The following FAM114A1 variants were observed in gnomAD, a reference collection of about 807,000 sequenced individuals.
The protein encoded by FAM114A1 is protein NOXP20.
FAM114A1 carries 62 observed loss-of-function variants against 64.3 expected under a neutral mutation model. The observed-to-expected ratio is 0.96, with a 90% CI of 0.79 to 1.19. The LOEUF (loss-of-function observed/expected upper bound fraction) is 1.19, where lower values mean the gene tolerates loss of function less well. Ranked by LOEUF, FAM114A1 falls within the 50% of genes most tolerant of loss-of-function variation. The probability of loss-of-function intolerance (pLI) is 0.00; values close to 1 mark genes in which losing one functional copy is unlikely to be tolerated. For synonymous variants in FAM114A1, 254 were observed against 251.1 expected, an observed-to-expected ratio of 1.01 and a Z score of -0.11; for missense variants, 645 against 676.3, an observed-to-expected ratio of 0.95 and a Z score of 0.51.
chr4:38,930,193 T>C (rs1720514638), intron 10 of FAM114A1, among the ~76,000 whole-genome samples: 1 of 152,200 alleles, frequency 6.6e-6, no homozygotes, highest in African/African-American at 2.4e-5. Context: ...ACAGTGTGTT[T>C]TGCAAGTTAG....
chr4:38,931,684 A>G (rs563881202), intron 11 of FAM114A1, 72 bp downstream of exon 11: 2 of 1,436,262 alleles, frequency 1.4e-6, no homozygotes, highest in South Asian at 1.5e-5. Flanking sequence ...CTTAATTTTA[A>G]TTGAGGAGAG....
chr4:38,874,337 T>C (rs1162599603), intron 2 of FAM114A1, among the ~76,000 whole-genome samples: 1 of 152,192 alleles, frequency 6.6e-6, no homozygotes, highest in Non-Finnish European at 1.5e-5. Context: ...GCGTGGTAAA[T>C]GACAGCTCTG....
intron 9 of FAM114A1, 29 bp from the exon 10 acceptor site, chr4:38,929,213 A>G (rs1447779908): frequency 6.5e-7 from 1 of 1,539,682 alleles, no homozygotes; most frequent in Admixed American, 1.7e-5. Context: ...AAAATAAATC[A>G]CGCTTCTTCT....
chr4:38,868,048 C>T (rs376863423), intron 1 of FAM114A1: 286 of 424,134 alleles, frequency 6.7e-4, no homozygotes, highest in African/African-American at 5.4e-3. Context: ...TGCGTGGGTG[C>T]GGGCGTGTGA....
chr4:38,915,321 C>A (rs929081035), intron 8 of FAM114A1, among the ~76,000 whole-genome samples: 2 of 152,138 alleles, frequency 1.3e-5, no homozygotes, highest in African/African-American at 4.8e-5. Flanking sequence ...ACTATCCCCC[C>A]ACCTCATGGT....
intron 9 of FAM114A1, among the ~76,000 whole-genome samples, chr4:38,928,783 A>G (rs1204778969): frequency 6.6e-6 from 1 of 152,200 alleles, no homozygotes; most frequent in East Asian, 1.9e-4. Context: ...GGCTCTGTGG[A>G]CATAAAAGGG....
At chr4:38,921,095 C>T (rs1349701291) in intron 8 of FAM114A1, among the ~76,000 whole-genome samples, 2 of 152,204 alleles carry the variant, frequency 1.3e-5, no homozygotes, top group South Asian at 4.1e-4. Context: ...CCAAAGAGGA[C>T]TACGGCTCCA....
At chr4:38,876,473 C>A (rs12503376) in intron 2 of FAM114A1, among the ~76,000 whole-genome samples, 41,698 of 151,832 alleles carry the variant, frequency 0.27, 6,104 homozygotes, top group African/African-American at 0.31. Context: ...ACCCTGCCTT[C>A]CTATGCTTAT....
chr4:38,931,496 G>C lies in FAM114A1; in HGVS notation c.1207G>C (p.Val403Leu). The C allele has an allele frequency of 6.2e-7, 1 of 1,614,072 alleles. No individual in the cohort carries two copies. Among genetic ancestry groups the C allele is most frequent in the Non-Finnish European group, 8.5e-7 (1 of 1,180,008 alleles). Residue 403 changes from valine to leucine, a missense_variant, in exon 11 of 15, where the codon GTG (valine) becomes CTG (leucine). Coordinates refer to ENST00000358869, the MANE Select transcript of FAM114A1 (RefSeq NM_138389.4). Reference protein sequence around the residue: ...HDWVEEDQTVVSVDVAKVSEE... With the variant: ...HDWVEEDQTVLSVDVAKVSEE... ...CTGGGTGGAAGAGGATCAAACCGTG[G>C]TGTCAGTAGATGTGGCAAAAGTGTC...
chr4:38,936,178 T>C (rs190343346), intron 13 of FAM114A1, among the ~76,000 whole-genome samples: 1,699 of 151,342 alleles, frequency 0.011, 29 homozygotes, highest in South Asian at 0.054. Context: ...CTGCAAGCTC[T>C]GCCTCCCAGG....
chr4:38,901,906 G>A (rs966453650), intron 4 of FAM114A1, among the ~76,000 whole-genome samples: 4 of 152,230 alleles, frequency 2.6e-5, no homozygotes, highest in Non-Finnish European at 5.9e-5. Flanking sequence ...CCCTGGAGGT[G>A]ATCTTCACCT....
chr4:38,926,503 G>A (rs1193604326), intron 9 of FAM114A1, among the ~76,000 whole-genome samples: 3 of 151,004 alleles, frequency 2.0e-5, no homozygotes, highest in African/African-American at 7.3e-5. Flanking sequence ...TGGCCAGGCT[G>A]GAGTACAGTG....
chr4:38,932,151 T>C (rs1720695451), intron 11 of FAM114A1, 84 bp from the exon 12 acceptor site: 1 of 1,431,968 alleles, frequency 7.0e-7, no homozygotes, highest in Non-Finnish European at 9.4e-7. Context: ...TTTGAAAGAA[T>C]TATATCACTT....
intron 8 of FAM114A1, among the ~76,000 whole-genome samples, chr4:38,922,003 G>A (rs567873238): frequency 1.6e-4 from 24 of 152,166 alleles, no homozygotes; most frequent in African/African-American, 5.3e-4. Context: ...GTGCAGTGGC[G>A]CGATCTCGGC....
chr4:38,889,794 T>C (rs1716145544), intron 3 of FAM114A1, among the ~76,000 whole-genome samples: 1 of 152,196 alleles, frequency 6.6e-6, no homozygotes, highest in Non-Finnish European at 1.5e-5. Context: ...AAATCCAACA[T>C]ATAGTAGTTC....
At chr4:38,918,740 CT>C (rs1719309069) in intron 8 of FAM114A1, among the ~76,000 whole-genome samples, 1 of 152,152 alleles carries the variant, frequency 6.6e-6, no homozygotes, top group African/African-American at 2.4e-5. Context: ...GGGCAGATCA[CT>C]TGAGGCCAGG....
intron 3 of FAM114A1, among the ~76,000 whole-genome samples, chr4:38,889,278 G>GGATTCCATT (rs1186417549): frequency 6.6e-6 from 1 of 152,070 alleles, no homozygotes; most frequent in Admixed American, 6.6e-5. Context: ...AATTGCTACT[G>GGATTCCATT]GATTCCATTG....
At chr4:38,871,711 C>T (rs73236649) in intron 2 of FAM114A1, among the ~76,000 whole-genome samples, 22,256 of 152,138 alleles carry the variant, frequency 0.15, 2,178 homozygotes, top group Middle Eastern at 0.38. Context: ...TCTAGGTTTC[C>T]TCCTCTGCAA....
chr4:38,945,372 C>G lies in FAM114A1; in HGVS notation c.*1815C>G, dbSNP rs771278694. 5.3e-5 allele frequency: 8 copies of G among 152,208 alleles called. No individual in the cohort carries two copies. Among genetic ancestry groups the G allele is most frequent in the Non-Finnish European group, 1.2e-4 (8 of 68,054 alleles). 9.4% of individuals were successfully genotyped at this position (152,208 alleles called of 1,614,324 possible). On this transcript the variant is annotated 3_prime_UTR_variant, in exon 15 of 15. Transcript: ENST00000358869. Reference sequence around the variant, plus strand: ...TGGCTGCTTCTCCTGAGCTCCACGCCTTCATTGCAGCTGCATGTTCGATAC... The same window carrying G: ...TGGCTGCTTCTCCTGAGCTCCACGCGTTCATTGCAGCTGCATGTTCGATAC...
Sources: gnomAD v4.1 joint callset for allele counts (sites outside exome capture counted in the v4.1 genomes callset) on GRCh38, gnomAD v4.1.1 for gene constraint, MANE v1.5 for transcripts, NCBI Gene and HGNC (gene_info 2026-07-23, HGNC 2026-07-21) for gene names.